Variants in LRMDA observed in about 807,000 individuals in gnomAD.
LRMDA encodes leucine rich melanocyte differentiation associated, also known as leucine-rich melanocyte differentiation-associated protein.
A neutral mutation model predicts 29.8 loss-of-function variants in LRMDA; 18 were observed. That is an observed-to-expected ratio of 0.60 (90% confidence interval 0.42 to 0.90). LRMDA has a LOEUF of 0.90. Among genes scored for constraint, LRMDA ranks in the 40% least tolerant of loss-of-function variants. The pLI is 0.00. For missense variants in LRMDA, 273 were observed against 273.9 expected, an observed-to-expected ratio of 1.00 and a Z score of 0.02; for synonymous variants, 125 against 109.4, an observed-to-expected ratio of 1.14 and a Z score of -0.89.
At chr10:76,230,407 A>G (rs575458904) in intron 5 of LRMDA, among the ~76,000 whole-genome samples, 2 of 152,310 alleles carry the variant, frequency 1.3e-5, no homozygotes, top group South Asian at 2.1e-4. Flanking sequence ...TTCAAAAAAA[A>G]GTAGATAGAA....
At chr10:76,499,667 G>A (rs1842898301) in intron 6 of LRMDA, among the ~76,000 whole-genome samples, 1 of 73,762 alleles carries the variant, frequency 1.4e-5, no homozygotes, top group African/African-American at 3.3e-5. Flanking sequence ...ATCAAACATC[G>A]ATACAATACT....
intron 2 of LRMDA, among the ~76,000 whole-genome samples, chr10:76,034,140 T>A (rs1357759230): frequency 6.6e-6 from 1 of 152,108 alleles, no homozygotes; most frequent in Non-Finnish European, 1.5e-5. Context: ...GGAGGCAAAG[T>A]CCCAAACCTT....
chr10:75,822,125 A>C (rs186226444), intron 2 of LRMDA, among the ~76,000 whole-genome samples: 120 of 152,338 alleles, frequency 7.9e-4, no homozygotes, highest in African/African-American at 2.8e-3. Context: ...GTAAAGTTCC[A>C]GGATGCAAAA....
intron 2 of LRMDA, among the ~76,000 whole-genome samples, chr10:76,033,944 G>A (rs527373734): frequency 4.6e-5 from 7 of 151,980 alleles, no homozygotes; most frequent in Middle Eastern, 3.4e-3. Context: ...GGGTCAGGGC[G>A]TCTGGAAACA....
intron 2 of LRMDA, among the ~76,000 whole-genome samples, chr10:75,633,165 T>G (rs1484060088): frequency 6.6e-6 from 1 of 152,240 alleles, no homozygotes; most frequent in Non-Finnish European, 1.5e-5. Flanking sequence ...ACAGCCTTTG[T>G]GCGCACATTC....
chr10:76,047,414 T>G, intron 4 of LRMDA, 111 bp downstream of exon 4: 2 of 1,115,974 alleles, frequency 1.8e-6, no homozygotes, highest in Non-Finnish European at 2.4e-6. Flanking sequence ...TCAGTGGGTT[T>G]CCCATGACAA....
intron 2 of LRMDA, among the ~76,000 whole-genome samples, chr10:75,601,962 GA>G (rs1164779395): frequency 6.6e-6 from 1 of 152,104 alleles, no homozygotes; most frequent in East Asian, 1.9e-4. Flanking sequence ...TTCTTAATGA[GA>G]AAAATACTCT....
At chr10:76,002,635 GA>G (rs1477433063) in intron 2 of LRMDA, among the ~76,000 whole-genome samples, 2 of 152,200 alleles carry the variant, frequency 1.3e-5, no homozygotes, top group East Asian at 3.8e-4. Flanking sequence ...CATCTTTAAT[GA>G]AATGAAACAG....
At chr10:75,576,924 T>C (rs983179943) in intron 2 of LRMDA, among the ~76,000 whole-genome samples, 2 of 152,158 alleles carry the variant, frequency 1.3e-5, no homozygotes, top group African/African-American at 4.8e-5. Flanking sequence ...TCCATGAAGA[T>C]GGGGAGAAAC....
intron 2 of LRMDA, among the ~76,000 whole-genome samples, chr10:75,610,081 A>G (rs1229140038): frequency 6.6e-6 from 1 of 152,172 alleles, no homozygotes; most frequent in East Asian, 1.9e-4. Flanking sequence ...TTTTTTAAAA[A>G]AGAAATACAG....
chr10:75,584,522 G>A (rs1466994756), intron 2 of LRMDA, among the ~76,000 whole-genome samples: 1 of 152,148 alleles, frequency 6.6e-6, no homozygotes, highest in Non-Finnish European at 1.5e-5. Context: ...TGTTTAGGTG[G>A]ATGTGTGGAT....
chr10:75,786,855 C>T (rs911600250), intron 2 of LRMDA, among the ~76,000 whole-genome samples: 7 of 152,194 alleles, frequency 4.6e-5, no homozygotes, highest in African/African-American at 1.4e-4. Context: ...TACTTTTGGG[C>T]ACACAAGTTG....
In LRMDA at chr10:75,447,118, C is replaced by T. The variant is rs115650764; in HGVS notation, c.131+8624C>T. On this transcript the variant is annotated intron_variant, in intron 2 of 6. Transcript: ENST00000611255. ...GAATTTTCAATGTAGTTCTAGGGCA[C>T]TGATATATCCTGACTGATTCCTAGG... Among the ~76,000 whole-genome samples, 748 of 152,276 alleles carry T rather than the reference C, an allele frequency of 4.9e-3. 10 individuals carry two copies. The highest frequency in any genetic ancestry group is 0.017 in the African/African-American group (717 of 41,556).
chr10:75,899,914 G>A (rs1458409121), intron 2 of LRMDA, among the ~76,000 whole-genome samples: 1 of 152,222 alleles, frequency 6.6e-6, no homozygotes, highest in African/African-American at 2.4e-5. Flanking sequence ...TTGAAGACCT[G>A]TCTCTATTAA....
intron 2 of LRMDA, among the ~76,000 whole-genome samples, chr10:75,894,960 T>G (rs1845558656): frequency 6.6e-6 from 1 of 152,154 alleles, no homozygotes; most frequent in South Asian, 2.1e-4. Context: ...GAGAAACTGG[T>G]TAAGTAAATT....
chr10:75,875,519 C>T lies in LRMDA; in HGVS notation c.132-160489C>T, dbSNP rs544487783. Reference sequence around the variant, plus strand: ...CATGATCTTGGCTCACTGCAACCTCCGCCTCCCGGGTTCAAGCGATTCTCC... The same window carrying T: ...CATGATCTTGGCTCACTGCAACCTCTGCCTCCCGGGTTCAAGCGATTCTCC... On this transcript the variant is annotated intron_variant, in intron 2 of 6. Coordinates refer to ENST00000611255, the MANE Select transcript of LRMDA (RefSeq NM_001305581.2). 9.9e-5 allele frequency among the ~76,000 whole-genome samples: 15 copies of T among 152,250 alleles called. No homozygotes were observed. The East Asian group carries it at 1.9e-3, about 20-fold the overall frequency.
At chr10:75,826,440 T>A (rs1335066422) in intron 2 of LRMDA, among the ~76,000 whole-genome samples, 1 of 152,120 alleles carries the variant, frequency 6.6e-6, no homozygotes, top group Non-Finnish European at 1.5e-5. Context: ...TGACTTTTGA[T>A]GTTTTTGTAA....
chr10:75,470,222 T>C (rs1047097310), intron 2 of LRMDA, among the ~76,000 whole-genome samples: 3 of 152,080 alleles, frequency 2.0e-5, no homozygotes, highest in African/African-American at 4.8e-5. Context: ...TGAGGCTGAG[T>C]GTGGTGGCTC....
intron 2 of LRMDA, among the ~76,000 whole-genome samples, chr10:75,931,002 G>C (rs530999783): frequency 8.9e-4 from 136 of 152,258 alleles, no homozygotes; most frequent in African/African-American, 3.1e-3. Flanking sequence ...GTACTATTAG[G>C]CAAAGTTGCA....
Sources: gnomAD v4.1 joint callset for allele counts (sites outside exome capture counted in the v4.1 genomes callset) on GRCh38, gnomAD v4.1.1 for gene constraint, MANE v1.5 for transcripts, NCBI Gene and HGNC (gene_info 2026-07-23, HGNC 2026-07-21) for gene names.